PLXDC2: variants seen among roughly 807,000 people sequenced by gnomAD.
The protein encoded by PLXDC2 is plexin domain containing 2.
PLXDC2 carries 40 observed loss-of-function variants against 68.9 expected under a neutral mutation model. The ratio of observed to expected loss-of-function variants is 0.58; its 90% confidence interval spans 0.45 to 0.76. The LOEUF (loss-of-function observed/expected upper bound fraction) is 0.76. Ranked by LOEUF, PLXDC2 falls within the 30% of genes least tolerant of loss-of-function variation. The pLI, the probability that PLXDC2 is intolerant of heterozygous loss-of-function variation, is 0.00. For synonymous variants in PLXDC2, 243 were observed against 234.2 expected, an observed-to-expected ratio of 1.04 and a Z score of -0.34; for missense variants, 644 against 661.9, an observed-to-expected ratio of 0.97 and a Z score of 0.30.
intron 9 of PLXDC2, among the ~76,000 whole-genome samples, chr10:20,204,601 C>A (rs1163919842): frequency 6.6e-6 from 1 of 151,972 alleles, no homozygotes; most frequent in Non-Finnish European, 1.5e-5. Context: ...AATATTTGTC[C>A]AAAAATCTTA....
chr10:19,930,795 T>A (rs1833614875), intron 1 of PLXDC2, among the ~76,000 whole-genome samples: 1 of 152,058 alleles, frequency 6.6e-6, no homozygotes, highest in Non-Finnish European at 1.5e-5. Flanking sequence ...AAATCCCATC[T>A]CTACTAAAAC....
chr10:20,084,467 G>A (rs1833162712), intron 4 of PLXDC2, among the ~76,000 whole-genome samples: 1 of 152,078 alleles, frequency 6.6e-6, no homozygotes, highest in South Asian at 2.1e-4. Context: ...GTCATTCTGG[G>A]CTGACCTTAT....
chr10:20,132,967 C>G (rs1428696945), intron 4 of PLXDC2, among the ~76,000 whole-genome samples: 2 of 151,870 alleles, frequency 1.3e-5, no homozygotes, highest in African/African-American at 2.4e-5. Flanking sequence ...TTTGCTTTAA[C>G]TTCTTTATCT....
chr10:20,109,856 C>T (rs535221158), intron 4 of PLXDC2, among the ~76,000 whole-genome samples: 1 of 152,302 alleles, frequency 6.6e-6, no homozygotes, highest in African/African-American at 2.4e-5. Flanking sequence ...CCCAAAACAA[C>T]ATCTGGCATC....
chr10:20,080,482 G>C (rs1836532989), intron 4 of PLXDC2, among the ~76,000 whole-genome samples: 1 of 152,112 alleles, frequency 6.6e-6, no homozygotes, highest in South Asian at 2.1e-4. Context: ...CAAACCACTG[G>C]TGTAAGTCCA....
At chr10:20,114,538 A>G (rs1833598505) in intron 4 of PLXDC2, among the ~76,000 whole-genome samples, 1 of 152,170 alleles carries the variant, frequency 6.6e-6, no homozygotes, top group South Asian at 2.1e-4. Context: ...AACAATTTTA[A>G]CTCAGTGTGA....
chr10:20,117,991 T>C (rs1833644225), intron 4 of PLXDC2, among the ~76,000 whole-genome samples: 2 of 152,172 alleles, frequency 1.3e-5, no homozygotes, highest in South Asian at 4.1e-4. Context: ...TATTGATGTA[T>C]AAAATCAATG....
intron 1 of PLXDC2, among the ~76,000 whole-genome samples, chr10:19,834,220 C>T (rs1836746383): frequency 6.6e-6 from 1 of 151,898 alleles, no homozygotes; most frequent in South Asian, 2.1e-4. Flanking sequence ...AACAGGTGTG[C>T]TAAAAAGACA....
intron 2 of PLXDC2, 46 bp from the exon 3 acceptor site, chr10:20,046,823 G>A: frequency 6.5e-7 from 1 of 1,532,044 alleles, no homozygotes; most frequent in South Asian, 1.3e-5. Flanking sequence ...AGAATTGTAG[G>A]TAAAACATCT....
At chr10:19,994,829 G>A (rs983454839) in intron 1 of PLXDC2, among the ~76,000 whole-genome samples, 11 of 151,128 alleles carry the variant, frequency 7.3e-5, no homozygotes, top group South Asian at 2.1e-4. Context: ...TGCAACCTCC[G>A]CTTCCCGTGT....
At chr10:20,126,023 T>C (rs1019049208) in intron 4 of PLXDC2, among the ~76,000 whole-genome samples, 14 of 148,396 alleles carry the variant, frequency 9.4e-5, no homozygotes, top group Admixed American at 4.1e-4. Context: ...ACTACATATA[T>C]ACACACATAC....
intron 2 of PLXDC2, among the ~76,000 whole-genome samples, chr10:20,040,818 G>A (rs566935999): frequency 6.6e-6 from 1 of 152,276 alleles, no homozygotes; most frequent in African/African-American, 2.4e-5. Context: ...TGGGCTTTCA[G>A]TGCCAGGTAT....
intron 1 of PLXDC2, among the ~76,000 whole-genome samples, chr10:19,936,463 A>G (rs1221895716): frequency 6.6e-6 from 1 of 152,226 alleles, no homozygotes; most frequent in African/African-American, 2.4e-5. Flanking sequence ...ATAAATGGGC[A>G]TGGCTGTGTT....
intron 2 of PLXDC2, among the ~76,000 whole-genome samples, chr10:20,015,071 C>G (rs554586332): frequency 6.6e-6 from 1 of 152,162 alleles, no homozygotes; most frequent in Non-Finnish European, 1.5e-5. Context: ...AGTGAGTTGA[C>G]AGCAGGGAAT....
intron 1 of PLXDC2, among the ~76,000 whole-genome samples, chr10:19,912,730 A>C (rs1833296632): frequency 6.6e-6 from 1 of 152,218 alleles, no homozygotes; most frequent in African/African-American, 2.4e-5. Flanking sequence ...TACTATATAA[A>C]GCCTATGAAC....
At chr10:20,032,219 T>G (rs1236342359) in intron 2 of PLXDC2, among the ~76,000 whole-genome samples, 1 of 152,160 alleles carries the variant, frequency 6.6e-6, no homozygotes, top group Non-Finnish European at 1.5e-5. Context: ...TAAAACAGAC[T>G]AAGGGAGGAT....
chr10:20,168,890 C>T lies in PLXDC2; in HGVS notation c.883+4323C>T, dbSNP rs140881065. ...AATAAATGTTTTCACGTATCTGTAT[C>T]CAACTATTTATTTGTAATATACACA... On this transcript the variant is annotated intron_variant, in intron 7 of 13. Coordinates refer to ENST00000377252, the MANE Select transcript of PLXDC2 (RefSeq NM_032812.9). Among the ~76,000 whole-genome samples, 289 of 152,184 alleles carry T rather than the reference C, an allele frequency of 1.9e-3. 1 individual carries two copies. Among genetic ancestry groups the T allele is most frequent in the Middle Eastern group, 6.8e-3 (2 of 294 alleles).
intron 4 of PLXDC2, among the ~76,000 whole-genome samples, chr10:20,093,538 A>G: frequency 6.6e-6 from 1 of 152,164 alleles, no homozygotes; most frequent in East Asian, 1.9e-4. Context: ...ATGCTCTACC[A>G]AGTTCAGGAG....
rs968704773 is a variant in PLXDC2 at position 20,285,305 on chromosome 10, T to A, written c.*5486T>A. The A allele has an allele frequency of 3.9e-5, 6 of 152,190 alleles. No homozygotes were observed. Among genetic ancestry groups the A allele is most frequent in the African/African-American group, 1.4e-4 (6 of 41,442 alleles). 9.4% of individuals were successfully genotyped at this position (152,190 alleles called of 1,614,324 possible). On this transcript the variant is annotated 3_prime_UTR_variant, in exon 14 of 14. Coordinates refer to ENST00000377252, the MANE Select transcript of PLXDC2 (RefSeq NM_032812.9). ...TTGTTCATTTATTTAACTGTTCAGT[T>A]CACTGAAATATTTATTGAACACCTA... is the stretch of plus-strand genomic sequence containing the variant.
Sources: gnomAD v4.1 joint callset for allele counts (sites outside exome capture counted in the v4.1 genomes callset) on GRCh38, gnomAD v4.1.1 for gene constraint, MANE v1.5 for transcripts, NCBI Gene and HGNC (gene_info 2026-07-23, HGNC 2026-07-21) for gene names.